Variants in ANK2 observed in about 807,000 individuals in gnomAD.
The protein encoded by ANK2 is ankyrin-2.
In ANK2, 83 loss-of-function variants were observed where a neutral mutation model predicts 360.5. The observed-to-expected ratio is 0.23, with a 90% confidence interval of 0.19 to 0.28. ANK2 has a LOEUF of 0.28. Ranked by LOEUF, ANK2 falls within the 10% of genes least tolerant of loss-of-function variation. The pLI is 1.00. For missense variants in ANK2, 4,201 were observed against 4,795.7 expected, an observed-to-expected ratio of 0.88 and a Z score of 3.66; for synonymous variants, 1,740 against 1,759.5, an observed-to-expected ratio of 0.99 and a Z score of 0.28.
At chr4:112,729,971 GA>G in the ANK2 span, among the ~76,000 whole-genome samples, 1 of 152,044 alleles carries the variant, frequency 6.6e-6, no homozygotes, top group Admixed American at 6.6e-5. Flanking sequence ...GCAAAGAGTA[GA>G]ATGTTAGTTA....
the ANK2 span, chr4:112,755,944 A>ATTG: frequency 1.3e-5 from 2 of 152,226 alleles, no homozygotes; most frequent in Non-Finnish European, 2.9e-5. Flanking sequence ...TATTATTATT[A>ATTG]AGACACAGTC....
At chr4:113,004,393 AT>A (rs1408346937) in intron 2 of ANK2, among the ~76,000 whole-genome samples, 1 of 151,040 alleles carries the variant, frequency 6.6e-6, no homozygotes, top group African/African-American at 2.4e-5. Context: ...TTTGTTTTTA[AT>A]TTTTTTTTCT....
chr4:113,243,156 AAAACTTC>A (rs1449531027), intron 9 of ANK2, among the ~76,000 whole-genome samples: 1 of 152,224 alleles, frequency 6.6e-6, no homozygotes, highest in African/African-American at 2.4e-5. Flanking sequence ...AGACTTCAGC[AAAACTTC>A]AAATGTGCCT....
the ANK2 span, among the ~76,000 whole-genome samples, chr4:112,800,526 A>G: frequency 5.3e-5 from 8 of 152,202 alleles, no homozygotes; most frequent in Non-Finnish European, 8.8e-5. Flanking sequence ...CATGTAATGA[A>G]TTAACTTCTC....
At chr4:112,968,039 A>C (rs976993074) in intron 2 of ANK2, among the ~76,000 whole-genome samples, 4 of 151,840 alleles carry the variant, frequency 2.6e-5, no homozygotes, top group Admixed American at 2.0e-4. Flanking sequence ...TTTTCCCCCA[A>C]CCTCTCACCT....
At chr4:112,957,107 G>A (rs2095374830) in intron 2 of ANK2, among the ~76,000 whole-genome samples, 1 of 148,906 alleles carries the variant, frequency 6.7e-6, no homozygotes, top group Non-Finnish European at 1.5e-5. Context: ...GGGAAGGTCA[G>A]CAGATAAACA....
chr4:112,789,525 C>G, the ANK2 span, among the ~76,000 whole-genome samples: 1 of 152,022 alleles, frequency 6.6e-6, no homozygotes, highest in African/African-American at 2.4e-5. Flanking sequence ...TGTAGGAGCA[C>G]AAAAATAAGC....
intron 1 of ANK2, among the ~76,000 whole-genome samples, chr4:112,822,893 G>C (rs917605546): frequency 2.0e-5 from 3 of 151,672 alleles, no homozygotes; most frequent in African/African-American, 7.3e-5. Context: ...CTTGTTCATT[G>C]ATAGAACAAA....
intron 7 of ANK2, among the ~76,000 whole-genome samples, chr4:113,239,695 A>C (rs1025312618): frequency 6.6e-6 from 1 of 152,172 alleles, no homozygotes; most frequent in Non-Finnish European, 1.5e-5. Context: ...TGATAATTTC[A>C]GACTTATTTT....
At chr4:113,151,178 A>G in intron 1 of ANK2, 1 of 1,244,908 alleles carries the variant, frequency 8.0e-7, no homozygotes, top group African/African-American at 1.6e-5. Context: ...GGTAACTAAG[A>G]AGTTTTAATT....
chr4:113,303,702 T>C (rs530397216), intron 23 of ANK2, among the ~76,000 whole-genome samples: 1 of 152,258 alleles, frequency 6.6e-6, no homozygotes, highest in African/African-American at 2.4e-5. Flanking sequence ...CATTTCTTTA[T>C]GAGAAGATAG....
At position 113,242,153 on chromosome 4, in the gene ANK2, A is replaced by G; in HGVS notation, c.835A>G (p.Thr279Ala). 5 of 1,614,050 alleles carry G rather than the reference A, an allele frequency of 3.1e-6. No individual in the cohort carries two copies. The highest frequency in any genetic ancestry group is 4.2e-6 in the Non-Finnish European group (5 of 1,179,940). Residue 279 changes from threonine to alanine, a missense_variant, in exon 9 of 46, where the codon ACA (threonine) becomes GCA (alanine). Thr to Ala is a moderately conservative substitution (Grantham distance 58). Coordinates refer to ENST00000357077, the MANE Select transcript of ANK2 (RefSeq NM_001148.6). ...PLHVASKRGN[T>A]NMVKLLLDRG... is the part of the protein sequence containing the mutation. The stretch of plus-strand genomic sequence containing the variant: ...GCATGTGGCTTCCAAAAGAGGAAAT[A>G]CAAACATGGTGAAGCTCTTACTGGA...
At chr4:112,820,749 C>T (rs898229088) in intron 1 of ANK2, among the ~76,000 whole-genome samples, 3 of 150,898 alleles carry the variant, frequency 2.0e-5, no homozygotes, top group African/African-American at 4.9e-5. Flanking sequence ...CTTTGTTTTT[C>T]TGTTTTTCGA....
In ANK2 at chr4:113,255,787, T is replaced by C. The variant is rs758931317; in HGVS notation, c.1043T>C (p.Val348Ala). 25 of 1,614,040 alleles carry C rather than the reference T, an allele frequency of 1.5e-5. 1 individual carries two copies. The East Asian group carries it at 4.2e-4, about 27-fold the overall frequency. ...MAAQGDHVEC[V>A]KHLLQHKAPV... ...GCCCAGGGAGACCACGTGGAATGTG[T>C]GAAGCACCTGTTACAGCACAAGGCA... Residue 348 changes from valine (V) to alanine (A), a missense_variant, in exon 11 of 46, where the codon GTG (valine) becomes GCG (alanine). Transcript: ENST00000357077.
intron 1 of ANK2, among the ~76,000 whole-genome samples, chr4:112,872,314 G>A (rs578151981): frequency 6.6e-6 from 1 of 151,742 alleles, no homozygotes; most frequent in South Asian, 2.1e-4. Context: ...ATAGGTGTCA[G>A]CCACCGTGTC....
chr4:112,727,855 C>T, the ANK2 span, among the ~76,000 whole-genome samples: 1 of 152,112 alleles, frequency 6.6e-6, no homozygotes, highest in Non-Finnish European at 1.5e-5. Flanking sequence ...TGGGGCATGC[C>T]TCTAATCCCA....
chr4:113,156,777 G>A (rs1039443243), intron 1 of ANK2, among the ~76,000 whole-genome samples: 22 of 77,514 alleles, frequency 2.8e-4, no homozygotes, highest in Non-Finnish European at 3.8e-4. Context: ...ATTTTCAAAT[G>A]TCCTATATAT....
chr4:112,843,317 C>T (rs1050860673), intron 1 of ANK2, among the ~76,000 whole-genome samples: 1 of 152,166 alleles, frequency 6.6e-6, no homozygotes, highest in Non-Finnish European at 1.5e-5. Context: ...TCTTCCTCAA[C>T]TCTTTTTTTC....
At chr4:112,893,080 C>G (rs75265165) in intron 1 of ANK2, among the ~76,000 whole-genome samples, 2,257 of 152,236 alleles carry the variant, frequency 0.015, 53 homozygotes, top group African/African-American at 0.052. Context: ...TAGCTCCAAT[C>G]TTATAAACAA....
Sources: gnomAD v4.1 joint callset for allele counts (sites outside exome capture counted in the v4.1 genomes callset) on GRCh38, gnomAD v4.1.1 for gene constraint, MANE v1.5 for transcripts, NCBI Gene and HGNC (gene_info 2026-07-23, HGNC 2026-07-21) for gene names.